Variants in RBMS2 observed in about 807,000 individuals in gnomAD.
The protein encoded by RBMS2 is RNA-binding motif, single-stranded-interacting protein 2.
In RBMS2, 38 loss-of-function variants were observed where a neutral mutation model predicts 58.4. The observed-to-expected ratio is 0.65, with a 90% CI of 0.50 to 0.85. RBMS2 has a LOEUF of 0.85. Ranked by LOEUF, RBMS2 falls within the 40% of genes least tolerant of loss-of-function variation. The pLI is 0.00. For missense variants in RBMS2, 367 were observed against 503.7 expected, an observed-to-expected ratio of 0.73 and a Z score of 2.60; for synonymous variants, 151 against 180.7, an observed-to-expected ratio of 0.84 and a Z score of 1.32.
chr12:56,573,421 A>G (rs367933319), intron 5 of RBMS2, among the ~76,000 whole-genome samples: 3 of 146,026 alleles, frequency 2.1e-5, no homozygotes, highest in African/African-American at 5.0e-5. Flanking sequence ...AGGTTGCAGT[A>G]AGCCGAGATC....
At chr12:56,570,290 C>T (rs974070992) in intron 4 of RBMS2, among the ~76,000 whole-genome samples, 1 of 152,166 alleles carries the variant, frequency 6.6e-6, no homozygotes, top group Non-Finnish European at 1.5e-5. Flanking sequence ...TTCACCCTGG[C>T]CCCACTTCCC....
At chr12:56,521,739 A>C (rs1029878604), upstream of RBMS2, among the ~76,000 whole-genome samples, 5 of 151,852 alleles carry the variant, frequency 3.3e-5, no homozygotes, top group Admixed American at 2.0e-4. Context: ...ACAAAAAAAA[A>C]CATCTTGGGC....
chr12:56,571,195 A>C (rs1312569534), intron 4 of RBMS2, among the ~76,000 whole-genome samples: 1 of 152,206 alleles, frequency 6.6e-6, no homozygotes, highest in Non-Finnish European at 1.5e-5. Flanking sequence ...TGTAGCTTTC[A>C]GGGCTCCGTG....
chr12:56,580,356 C>A, intron 5 of RBMS2: 1 of 367,962 alleles, frequency 2.7e-6, no homozygotes, highest in Non-Finnish European at 5.3e-6. Context: ...CCTCTGCCTC[C>A]TGAGTAGCTG....
intron 1 of RBMS2, among the ~76,000 whole-genome samples, chr12:56,549,473 ACT>A (rs1223256285): frequency 6.6e-6 from 1 of 152,070 alleles, no homozygotes; most frequent in Admixed American, 6.6e-5. Flanking sequence ...ATGGAAGGAC[ACT>A]CTCTTTTCTC....
chr12:56,575,826 G>A (rs921457843), intron 5 of RBMS2, among the ~76,000 whole-genome samples: 4 of 151,488 alleles, frequency 2.6e-5, no homozygotes, highest in Admixed American at 1.3e-4. Flanking sequence ...CCTGGGAGGC[G>A]GAGGTTACGG....
rs1882511592 is a variant in RBMS2, at chr12:56,572,745, T to G, written c.542+890T>G. The G allele has an allele frequency of 3.6e-5, 35 of 981,746 alleles. 1 individual carries two copies. Among genetic ancestry groups the G allele is most frequent in the Non-Finnish European group, 4.1e-5 (34 of 826,586 alleles). The allele number at this position is 981,746 out of a possible 1,614,324, so 60.8% of individuals were successfully genotyped here. On this transcript the variant is annotated intron_variant, in intron 5 of 13. Coordinates refer to ENST00000262031, the MANE Select transcript of RBMS2 (RefSeq NM_002898.4). Reference sequence around the variant, plus strand: ...GAGCAGAGCCCTGATCCTTCTGGCTTTGAGAGCAGTAGGATGAGGTAGAAG... The same window carrying G: ...GAGCAGAGCCCTGATCCTTCTGGCTGTGAGAGCAGTAGGATGAGGTAGAAG...
At chr12:56,521,159 G>C (rs367952097), upstream of RBMS2, among the ~76,000 whole-genome samples, 29 of 152,294 alleles carry the variant, frequency 1.9e-4, no homozygotes, top group East Asian at 5.2e-3. Flanking sequence ...GCCAGGGGTG[G>C]TGGCTCATGC....
chr12:56,581,182 AGGATGGAG>A lies in RBMS2; in HGVS notation c.543-1_549del. 6.3e-7 allele frequency: 1 copy of A among 1,591,256 alleles called. No homozygotes were observed. Among genetic ancestry groups the A allele is most frequent in the South Asian group, 1.1e-5 (1 of 90,584 alleles). On this transcript the variant is annotated splice_acceptor_variant and coding_sequence_variant, in exon 6 of 14. Transcript: ENST00000262031. LOFTEE classifies it high-confidence loss of function. Reference sequence around the variant, plus strand: ...GAGCCTAACCCCTCTTATGCTCCTTAGGATGGAGTCCACAGAGAAGTGTGAAGCCATCA... The same window carrying A: ...GAGCCTAACCCCTCTTATGCTCCTTATCCACAGAGAAGTGTGAAGCCATCA...
intron 1 of RBMS2, among the ~76,000 whole-genome samples, chr12:56,559,647 C>G: frequency 1.3e-5 from 2 of 149,202 alleles, no homozygotes; most frequent in East Asian, 4.3e-4. Flanking sequence ...GTCAGGAGAT[C>G]GAGACCATTC....
intron 9 of RBMS2, among the ~76,000 whole-genome samples, chr12:56,586,445 C>T (rs1277459024): frequency 6.6e-6 from 1 of 152,062 alleles, no homozygotes; most frequent in Non-Finnish European, 1.5e-5. Context: ...TAATTGTAGC[C>T]ATCCTAATAG....
intron 5 of RBMS2, among the ~76,000 whole-genome samples, chr12:56,573,984 G>A (rs889562346): frequency 1.3e-5 from 2 of 152,068 alleles, no homozygotes; most frequent in Admixed American, 1.3e-4. Flanking sequence ...GGGATTACAG[G>A]CGCCCGCCAC....
chr12:56,532,978 G>A (rs1247153783), intron 1 of RBMS2, among the ~76,000 whole-genome samples: 1 of 151,226 alleles, frequency 6.6e-6, no homozygotes, highest in African/African-American at 2.4e-5. Flanking sequence ...TTTGTCACTC[G>A]GGCTGGAGTG....
chr12:56,567,952 G>T (rs1283161898), intron 2 of RBMS2, among the ~76,000 whole-genome samples: 1 of 152,078 alleles, frequency 6.6e-6, no homozygotes, highest in Non-Finnish European at 1.5e-5. Context: ...TAAAGTTGAG[G>T]TTCCTTGAAT....
At chr12:56,585,444 C>G (rs1485925365) in intron 9 of RBMS2, among the ~76,000 whole-genome samples, 1 of 152,164 alleles carries the variant, frequency 6.6e-6, no homozygotes, top group Non-Finnish European at 1.5e-5. Context: ...AGGCAAAGCT[C>G]AGAAAATTGT....
intron 1 of RBMS2, among the ~76,000 whole-genome samples, chr12:56,531,152 C>A (rs983188674): frequency 7.2e-5 from 11 of 152,076 alleles, no homozygotes; most frequent in Admixed American, 1.3e-4. Flanking sequence ...GTATTGGAAT[C>A]ATTTAGGTAA....
rs1213302531 is a variant in RBMS2, at chr12:56,593,111, G to A, written c.*3978G>A. The stretch of plus-strand genomic sequence containing the variant: ...GTGAGCCTCCATGCTTGGATGAGAT[G>A]TTGTTTTTAATGTTTTTGGTTTTTT... On this transcript the variant is annotated 3_prime_UTR_variant, in exon 14 of 14. Coordinates refer to ENST00000262031, the MANE Select transcript of RBMS2 (RefSeq NM_002898.4). The A allele has an allele frequency of 6.6e-6, 1 of 151,948 alleles. No individual in the cohort carries two copies. Among genetic ancestry groups the A allele is most frequent in the Non-Finnish European group, 1.5e-5 (1 of 68,112 alleles). 9.4% of individuals were successfully genotyped at this position (151,948 alleles called of 1,614,324 possible).
intron 2 of RBMS2, among the ~76,000 whole-genome samples, chr12:56,567,155 C>T (rs942327374): frequency 3.9e-5 from 6 of 152,140 alleles, no homozygotes; most frequent in South Asian, 2.1e-4. Context: ...GAGGCTGAGG[C>T]GGGTGGATCA....
At chr12:56,581,696 A>T (rs937675722) in intron 7 of RBMS2, 137 bp from the exon 8 acceptor site, 1 of 1,198,008 alleles carries the variant, frequency 8.3e-7, no homozygotes, top group African/African-American at 1.5e-5. Context: ...AATTAGAAAA[A>T]CTCTGAAACA....
Sources: allele counts gnomAD v4.1 joint callset (sites outside exome capture counted in the v4.1 genomes callset), GRCh38; gene constraint gnomAD v4.1.1; transcripts MANE v1.5; gene names NCBI Gene and HGNC (gene_info 2026-07-23, HGNC 2026-07-21).